LINGO2: variants seen among roughly 807,000 people sequenced by gnomAD.
LINGO2 encodes leucine-rich repeat and immunoglobulin-like domain-containing nogo receptor-interacting protein 2.
A neutral mutation model predicts 30.6 loss-of-function variants in LINGO2; 14 were observed. The observed-to-expected ratio is 0.46, with a 90% CI of 0.30 to 0.72. LINGO2 has a LOEUF of 0.72. LINGO2 is among the 30% of genes least tolerant of loss of function. LINGO2 has a pLI of 0.07. For missense variants in LINGO2, 729 were observed against 751.7 expected, an observed-to-expected ratio of 0.97 and a Z score of 0.35; for synonymous variants, 317 against 288.5, an observed-to-expected ratio of 1.10 and a Z score of -1.00.
At chr9:28,078,069 G>T (rs1039804081) in intron 4 of LINGO2, among the ~76,000 whole-genome samples, 2 of 149,230 alleles carry the variant, frequency 1.3e-5, no homozygotes, top group Non-Finnish European at 2.9e-5. Context: ...AATAAATAAT[G>T]GCTCTTGCCT....
the LINGO2 span, among the ~76,000 whole-genome samples, chr9:28,754,139 A>G: frequency 0.051 from 7,793 of 152,068 alleles, 425 homozygotes; most frequent in Admixed American, 0.17. Flanking sequence ...TCCGTAAGAA[A>G]GTGGAACAAC....
intron 1 of LINGO2, among the ~76,000 whole-genome samples, chr9:28,604,277 T>C (rs1365552845): frequency 1.3e-5 from 2 of 151,996 alleles, no homozygotes; most frequent in Non-Finnish European, 2.9e-5. Flanking sequence ...CATGTAAAGA[T>C]AGAAAGTGCC....
intron 1 of LINGO2, among the ~76,000 whole-genome samples, chr9:28,618,812 A>G (rs1826257038): frequency 6.6e-6 from 1 of 152,148 alleles, no homozygotes; most frequent in Admixed American, 6.5e-5. Flanking sequence ...ATTTACTTCT[A>G]TACTTTCTGT....
At chr9:28,256,943 T>C (rs1244954090) in intron 4 of LINGO2, among the ~76,000 whole-genome samples, 1 of 151,946 alleles carries the variant, frequency 6.6e-6, no homozygotes, top group African/African-American at 2.4e-5. Flanking sequence ...TGTACAATTT[T>C]TATTCTGCCT....
At chr9:28,160,560 G>A (rs191812561) in intron 4 of LINGO2, among the ~76,000 whole-genome samples, 1 of 152,148 alleles carries the variant, frequency 6.6e-6, no homozygotes, top group East Asian at 1.9e-4. Context: ...TGTCCTTTCT[G>A]TTCCCCTCCT....
the LINGO2 span, among the ~76,000 whole-genome samples, chr9:29,002,209 T>G: frequency 3.9e-5 from 6 of 152,074 alleles, no homozygotes; most frequent in Non-Finnish European, 8.8e-5. Flanking sequence ...TCATTACTGC[T>G]TAATCCTTAA....
the LINGO2 span, among the ~76,000 whole-genome samples, chr9:28,690,211 A>T: frequency 6.6e-5 from 10 of 152,130 alleles, no homozygotes; most frequent in South Asian, 4.1e-4. Flanking sequence ...ACATCTGCAC[A>T]TGTACCCCTG....
At chr9:28,135,814 T>C (rs990750455) in intron 4 of LINGO2, among the ~76,000 whole-genome samples, 1 of 152,158 alleles carries the variant, frequency 6.6e-6, no homozygotes, top group African/African-American at 2.4e-5. Flanking sequence ...GCTTCTAAGG[T>C]ATTTACCAGT....
chr9:27,991,249 G>A (rs559087910), intron 5 of LINGO2, among the ~76,000 whole-genome samples: 1 of 152,076 alleles, frequency 6.6e-6, no homozygotes, highest in African/African-American at 2.4e-5. Context: ...AACAACAAAG[G>A]ATTTTTTTCC....
chr9:28,756,072 G>C, the LINGO2 span, among the ~76,000 whole-genome samples: 1 of 152,054 alleles, frequency 6.6e-6, no homozygotes, highest in African/African-American at 2.4e-5. Context: ...TTGGAGATGT[G>C]AGATGATCCT....
chr9:28,998,815 C>T, the LINGO2 span, among the ~76,000 whole-genome samples: 1 of 152,016 alleles, frequency 6.6e-6, no homozygotes, highest in Non-Finnish European at 1.5e-5. Flanking sequence ...ATTCTTAAGG[C>T]CAACTACATT....
chr9:29,162,810 A>T, the LINGO2 span, among the ~76,000 whole-genome samples: 1 of 152,152 alleles, frequency 6.6e-6, no homozygotes, highest in Non-Finnish European at 1.5e-5. Context: ...CAGCTGGAGA[A>T]AAAAATACTC....
intron 5 of LINGO2, among the ~76,000 whole-genome samples, chr9:27,993,793 A>G (rs1394045935): frequency 6.6e-6 from 1 of 152,134 alleles, no homozygotes; most frequent in Non-Finnish European, 1.5e-5. Context: ...GGCTGCAAAC[A>G]TAAAAGCAAT....
chr9:28,046,815 A>T (rs146015444), intron 4 of LINGO2, among the ~76,000 whole-genome samples: 44 of 152,232 alleles, frequency 2.9e-4, no homozygotes, highest in Middle Eastern at 6.8e-3. Flanking sequence ...AGAACACAAC[A>T]TTGTTGATGT....
At chr9:29,014,925 A>AAG in the LINGO2 span, among the ~76,000 whole-genome samples, 1 of 152,160 alleles carries the variant, frequency 6.6e-6, no homozygotes, top group African/African-American at 2.4e-5. Flanking sequence ...TAATAAAGAA[A>AAG]CTAAAGGAGA....
At chr9:28,619,237 C>A (rs553263533) in intron 1 of LINGO2, among the ~76,000 whole-genome samples, 1 of 152,204 alleles carries the variant, frequency 6.6e-6, no homozygotes, top group South Asian at 2.1e-4. Flanking sequence ...TGTAACACAC[C>A]TTTATTCCTT....
chr9:28,533,022 C>G (rs1432342289), intron 1 of LINGO2, among the ~76,000 whole-genome samples: 3 of 151,972 alleles, frequency 2.0e-5, no homozygotes, highest in Non-Finnish European at 1.5e-5. Context: ...AGTATTGTTC[C>G]TGGGTGTGTC....
intron 4 of LINGO2, among the ~76,000 whole-genome samples, chr9:28,294,889 T>G (rs536520956): frequency 1.3e-5 from 2 of 152,318 alleles, no homozygotes; most frequent in South Asian, 4.1e-4. Flanking sequence ...CTAATGCACC[T>G]TCAAAAGTAC....
At chr9:28,360,812 G>C (rs1402508024) in intron 3 of LINGO2, among the ~76,000 whole-genome samples, 2 of 151,862 alleles carry the variant, frequency 1.3e-5, no homozygotes, top group African/African-American at 4.8e-5. Context: ...CTCTATACTG[G>C]CCAGCACTTC....
Sources: gnomAD v4.1 joint callset for allele counts (sites outside exome capture counted in the v4.1 genomes callset) on GRCh38, gnomAD v4.1.1 for gene constraint, MANE v1.5 for transcripts, NCBI Gene and HGNC (gene_info 2026-07-23, HGNC 2026-07-21) for gene names.